NYAP2: variants seen among roughly 807,000 people sequenced by gnomAD.
NYAP2 encodes the protein neuronal tyrosine-phosphorylated phosphoinositide-3-kinase adaptor 2, also known as neuronal tyrosine-phosphorylated phosphoinositide-3-kinase adapter 2.
Under a neutral mutation model 50.4 loss-of-function variants are expected in NYAP2, and 23 were observed. That is an observed-to-expected ratio of 0.46 (90% CI 0.33 to 0.65). The LOEUF is 0.65. Among genes scored for constraint, NYAP2 ranks in the 30% least tolerant of loss-of-function variants. The pLI is 0.02. For synonymous variants in NYAP2, 394 were observed against 365.2 expected, an observed-to-expected ratio of 1.08 and a Z score of -0.90; for missense variants, 885 against 861.0, an observed-to-expected ratio of 1.03 and a Z score of -0.35.
chr2:225,478,046 C>T (rs551339757), intron 3 of NYAP2, among the ~76,000 whole-genome samples: 30 of 152,176 alleles, frequency 2.0e-4, no homozygotes, highest in South Asian at 8.3e-4. Context: ...CAGCCAGGAA[C>T]GGTTGAAATT....
At chr2:225,446,244 CTCTATATATATATATATATATATA>C (rs1354457381) in intron 3 of NYAP2, among the ~76,000 whole-genome samples, 2 of 112,178 alleles carry the variant, frequency 1.8e-5, no homozygotes, top group Admixed American at 1.0e-4. Context: ...CTCTCTCTCT[CTCTATATATATATATATATATATA>C]TATATATATA....
intron 3 of NYAP2, among the ~76,000 whole-genome samples, chr2:225,441,281 G>C (rs1007183885): frequency 2.0e-5 from 3 of 152,190 alleles, no homozygotes; most frequent in African/African-American, 7.2e-5. Flanking sequence ...CTGGGAAAAT[G>C]ATAGAATAGC....
chr2:225,441,265 A>G (rs1163419347), intron 3 of NYAP2, among the ~76,000 whole-genome samples: 1 of 152,208 alleles, frequency 6.6e-6, no homozygotes, highest in Non-Finnish European at 1.5e-5. Context: ...AATCTCAGAC[A>G]TATAACTGGG....
intron 4 of NYAP2, among the ~76,000 whole-genome samples, chr2:225,523,334 C>CAA (rs796932717): frequency 7.4e-5 from 10 of 135,686 alleles, no homozygotes; most frequent in African/African-American, 2.1e-4. Flanking sequence ...AAGATACCAC[C>CAA]AAAAAAAAAA....
At chr2:225,404,682 T>C (rs1314858509) in intron 2 of NYAP2, among the ~76,000 whole-genome samples, 1 of 151,940 alleles carries the variant, frequency 6.6e-6, no homozygotes, top group Non-Finnish European at 1.5e-5. Flanking sequence ...GTGGTCAACA[T>C]GATGTAAATA....
chr2:225,536,271 T>G (rs542858816), intron 4 of NYAP2, among the ~76,000 whole-genome samples: 4 of 152,176 alleles, frequency 2.6e-5, no homozygotes, highest in Non-Finnish European at 4.4e-5. Context: ...TACCACATGG[T>G]AGGCAGCACA....
At chr2:225,638,491 C>G (rs1011474901) in intron 6 of NYAP2, among the ~76,000 whole-genome samples, 1 of 151,954 alleles carries the variant, frequency 6.6e-6, no homozygotes, top group African/African-American at 2.4e-5. Flanking sequence ...TTCTATGGAC[C>G]AGATTTGGTC....
At chr2:225,616,496 CCA>C (rs1209400401) in intron 5 of NYAP2, among the ~76,000 whole-genome samples, 3 of 152,160 alleles carry the variant, frequency 2.0e-5, no homozygotes, top group Non-Finnish European at 4.4e-5. Context: ...GCTCCAGAAA[CCA>C]CAGTTTTAAA....
the NYAP2 span, among the ~76,000 whole-genome samples, chr2:225,679,729 G>A: frequency 3.5e-4 from 53 of 152,114 alleles, no homozygotes; most frequent in African/African-American, 1.2e-3. Flanking sequence ...TCCTGACCTT[G>A]TGATCTGCCT....
chr2:225,579,501 T>C (rs1182789356), intron 4 of NYAP2, among the ~76,000 whole-genome samples: 1 of 152,250 alleles, frequency 6.6e-6, no homozygotes, highest in Non-Finnish European at 1.5e-5. Context: ...AATCATTTCC[T>C]AGATATAGAG....
At chr2:225,694,450 G>A in the NYAP2 span, among the ~76,000 whole-genome samples, 1 of 151,796 alleles carries the variant, frequency 6.6e-6, no homozygotes, top group East Asian at 1.9e-4. Flanking sequence ...ATGAATGAAA[G>A]CATGACATCT....
the NYAP2 span, among the ~76,000 whole-genome samples, chr2:225,686,807 C>A: frequency 6.6e-6 from 1 of 151,938 alleles, no homozygotes; most frequent in East Asian, 1.9e-4. Flanking sequence ...GGTTATTGTG[C>A]CTAGGATCTT....
chr2:225,602,883 G>A (rs150411901), intron 5 of NYAP2, among the ~76,000 whole-genome samples: 2 of 152,188 alleles, frequency 1.3e-5, no homozygotes, highest in Admixed American at 6.5e-5. Context: ...CGGGCCATGT[G>A]AGACCTCCAA....
intron 3 of NYAP2, among the ~76,000 whole-genome samples, chr2:225,512,913 T>TTTTC (rs1406228656): frequency 6.7e-6 from 1 of 149,818 alleles, no homozygotes; most frequent in Non-Finnish European, 1.5e-5. Context: ...TTTCCTTTCT[T>TTTTC]TTTCTTTCTT....
rs200066611 is a variant in NYAP2 at position 225,651,465 on chromosome 2, C to T, written c.1862C>T (p.Ala621Val). Residue 621 changes from alanine to valine, a missense_variant, in exon 7 of 7, where the codon GCG becomes GTG. Ala to Val is a moderately conservative substitution (Grantham distance 64, BLOSUM62 0). Transcript: ENST00000636099. Reference sequence around the variant, plus strand: ...GTAAGCTGCAAATTAGGCCGGTCTGCGTCGACGTCAGGTGTGCCTCCTCCA... The same window carrying T: ...GTAAGCTGCAAATTAGGCCGGTCTGTGTCGACGTCAGGTGTGCCTCCTCCA... The T allele has an allele frequency of 3.8e-5, 62 of 1,613,960 alleles. No individual in the cohort carries two copies. The East Asian group carries it at 6.2e-4, about 16-fold the overall frequency.
the NYAP2 span, among the ~76,000 whole-genome samples, chr2:225,688,748 T>C: frequency 1.3e-5 from 2 of 152,180 alleles, no homozygotes; most frequent in Non-Finnish European, 2.9e-5. Flanking sequence ...CTTTTTTTTG[T>C]CTGTCTATTT....
the NYAP2 span, among the ~76,000 whole-genome samples, chr2:225,684,877 C>A: frequency 1.3e-5 from 2 of 152,258 alleles, no homozygotes; most frequent in African/African-American, 4.8e-5. Context: ...ATACAAAACA[C>A]AACTGTGGGT....
At chr2:225,442,834 C>A (rs1186169813) in intron 3 of NYAP2, among the ~76,000 whole-genome samples, 1 of 152,178 alleles carries the variant, frequency 6.6e-6, no homozygotes, top group East Asian at 1.9e-4. Flanking sequence ...CCTTGGCCCC[C>A]ACAAAGTGCT....
chr2:225,642,892 T>C (rs1289056626), intron 6 of NYAP2, among the ~76,000 whole-genome samples: 1 of 152,176 alleles, frequency 6.6e-6, no homozygotes, highest in Non-Finnish European at 1.5e-5. Context: ...GTTTAAAAAC[T>C]ATTTACTACC....
Sources: gnomAD v4.1 joint callset for allele counts (sites outside exome capture counted in the v4.1 genomes callset) on GRCh38, gnomAD v4.1.1 for gene constraint, MANE v1.5 for transcripts, NCBI Gene and HGNC (gene_info 2026-07-23, HGNC 2026-07-21) for gene names.